The following AGR3 variants were observed in gnomAD, a reference collection of about 807,000 sequenced individuals.
The protein encoded by AGR3 is anterior gradient protein 3.
A neutral mutation model predicts 24.5 loss-of-function variants in AGR3; 37 were observed. The ratio of observed to expected loss-of-function variants is 1.51; its 90% CI spans 1.16 to 1.99. The LOEUF (loss-of-function observed/expected upper bound fraction) is 1.99, where lower values mean the gene tolerates loss of function less well. AGR3 is among the 30% of genes most tolerant of loss of function. AGR3 has a pLI of 0.00. For missense variants in AGR3, 228 were observed against 191.1 expected (o/e 1.19, Z -1.14); for synonymous variants, 75 against 61.6 (o/e 1.22, Z -1.02).
chr7:16,878,464 G>A (rs1297728251), intron 2 of AGR3, 46 bp downstream of exon 2: 6 of 1,527,166 alleles, frequency 3.9e-6, no homozygotes, highest in African/African-American at 1.4e-5. Flanking sequence ...ATTTTAAAAA[G>A]CAATCCAAAT....
chr7:16,862,643 T>G lies in AGR3; in HGVS notation c.193A>C (p.Ile65Leu). 2.6e-6 allele frequency: 4 copies of G among 1,547,548 alleles called. No homozygotes were observed. The highest frequency in any genetic ancestry group is 3.5e-6 in the Non-Finnish European group (4 of 1,154,122). ...TATTGACAATCCTCCAGGTGATGAA[T>G]AACCATTAATGGCTTCTTACTAAAC... ...AQKSKKPLMV[I>L]HHLEDCQYSQ... The change falls in exon 4 of 8, where the codon ATT (isoleucine) becomes CTT (leucine). Residue 65 changes from isoleucine to leucine, a missense_variant. Ile to Leu is a conservative substitution (Grantham distance 5). Transcript: ENST00000310398.
intron 3 of AGR3, among the ~76,000 whole-genome samples, chr7:16,872,040 A>G (rs2115310595): frequency 6.6e-6 from 1 of 151,764 alleles, no homozygotes; most frequent in South Asian, 2.1e-4. Context: ...AAGGCAATCT[A>G]CAGATTCAAT....
chr7:16,869,022 T>A (rs1781813853), intron 3 of AGR3, among the ~76,000 whole-genome samples: 2 of 152,228 alleles, frequency 1.3e-5, no homozygotes, highest in Admixed American at 1.3e-4. Flanking sequence ...CTTCTCTTGC[T>A]GTTTGATTAA....
downstream of AGR3, among the ~76,000 whole-genome samples, chr7:16,856,456 C>A (rs1781556470): frequency 6.6e-6 from 1 of 152,062 alleles, no homozygotes; most frequent in South Asian, 2.1e-4. Context: ...ACATAAATAA[C>A]CAATACATTT....
intron 3 of AGR3, among the ~76,000 whole-genome samples, chr7:16,869,376 T>C (rs1245800789): frequency 6.6e-6 from 1 of 152,184 alleles, no homozygotes; most frequent in Admixed American, 6.5e-5. Context: ...TTGTTTTGTT[T>C]CCATTTATAT....
intron 3 of AGR3, among the ~76,000 whole-genome samples, chr7:16,871,645 C>G (rs1448660655): frequency 6.6e-6 from 1 of 152,142 alleles, no homozygotes; most frequent in Non-Finnish European, 1.5e-5. Flanking sequence ...GAGTTCGAGA[C>G]CAGCCTGGCC....
At chr7:16,880,176 T>TC (rs1265296506) in intron 1 of AGR3, among the ~76,000 whole-genome samples, 1 of 140,414 alleles carries the variant, frequency 7.1e-6, no homozygotes, top group Non-Finnish European at 1.5e-5. Context: ...CTTTCTTTCT[T>TC]TTTTTTTTTT....
intron 3 of AGR3, among the ~76,000 whole-genome samples, chr7:16,871,886 T>A (rs1266788977): frequency 1.3e-5 from 2 of 151,906 alleles, no homozygotes; most frequent in East Asian, 3.9e-4. Flanking sequence ...CACCTAGGAA[T>A]ATATTAACCA....
At chr7:16,864,495 T>C in intron 3 of AGR3, 1 of 1,253,738 alleles carries the variant, frequency 8.0e-7, no homozygotes, top group Non-Finnish European at 1.2e-6. Context: ...TCATTCCATG[T>C]TCCCTGTCAG....
At position 16,861,964 on chromosome 7, in the gene AGR3, A is replaced by G. The variant is rs1414242451; in HGVS notation, c.303+20T>C. Reference sequence around the variant, plus strand: ...TCCATGAAATTATAGTATTAAGAAAACATCACAAAGTTTATGTACCATAAG... The same window carrying G: ...TCCATGAAATTATAGTATTAAGAAAGCATCACAAAGTTTATGTACCATAAG... On this transcript the variant is annotated intron_variant, in intron 5 of 7. Coordinates refer to ENST00000310398, the MANE Select transcript of AGR3 (RefSeq NM_176813.5). 6.3e-7 allele frequency: 1 copy of G among 1,574,952 alleles called. No homozygotes were observed.
intron 3 of AGR3, among the ~76,000 whole-genome samples, chr7:16,873,191 C>T (rs551194938): frequency 1.3e-5 from 2 of 152,162 alleles, no homozygotes; most frequent in African/African-American, 2.4e-5. Flanking sequence ...TAGAATCAAC[C>T]TAAATGTCCA....
rs1231215274 is a variant in AGR3, at chr7:16,873,535, C to T, written c.173+245G>A. On this transcript the variant is annotated intron_variant, in intron 3 of 7. Transcript: ENST00000310398. ...TAAGTTTGAGTAGTATTCTACAGCACTATAGGGTACATACAGTTAACAATA... is the reference window on the plus strand; with the variant it reads ...TAAGTTTGAGTAGTATTCTACAGCATTATAGGGTACATACAGTTAACAATA... The T allele has an allele frequency of 8.1e-5, 35 of 432,004 alleles. No individual in the cohort carries two copies. In the East Asian group the frequency reaches 1.4e-3, roughly 18 times the overall value. The allele number at this position is 432,004 out of a possible 1,614,324, so 26.8% of individuals were successfully genotyped here.
intron 3 of AGR3, chr7:16,865,184 A>G (rs1781731227): frequency 1.3e-6 from 1 of 745,986 alleles, no homozygotes; most frequent in Admixed American, 2.2e-5. Flanking sequence ...AAACCCTATC[A>G]GTTTTTTTTC....
Position 16,859,458 on chromosome 7 carries a change from T to TA in AGR3, c.*123dup, listed in dbSNP as rs1781598962. The TA allele has an allele frequency of 3.0e-6, 2 of 657,376 alleles. No individual in the cohort carries two copies. The highest frequency in any genetic ancestry group is 5.2e-6 in the Non-Finnish European group (2 of 387,106). The allele number at this position is 657,376 out of a possible 1,614,324, so 40.7% of individuals were successfully genotyped here. ...TTTAATAAGACTATTGCAAACACAT[T>TA]AAAAAAACTAAATAGTAATATTACA... On this transcript the variant is annotated 3_prime_UTR_variant, in exon 8 of 8. Coordinates refer to ENST00000310398, the MANE Select transcript of AGR3 (RefSeq NM_176813.5).
rs1481843667 is a variant in AGR3 at position 16,859,624 on chromosome 7, T to C, written c.459A>G (p.Glu153=). 1.3e-6 allele frequency: 2 copies of C among 1,523,448 alleles called. No individual in the cohort carries two copies. Among genetic ancestry groups the C allele is most frequent in the African/African-American group, 1.4e-5 (1 of 73,528 alleles). 94.4% of individuals were successfully genotyped at this position (1,523,448 alleles called of 1,614,324 possible). The change falls in exon 8 of 8, where the codon GAA becomes GAG. Residue 153 remains glutamate, a synonymous_variant. Transcript: ENST00000310398. The part of the protein sequence containing the change: ...YEPRDLPLLI[E]NMKKALRLIQ... ...TAAGTCTTAATGCTTTCTTCATGTT[T>C]TCTATCACTGAAATAAGAGTTAATA...
chr7:16,864,071 T>A (rs1206272425), intron 3 of AGR3, among the ~76,000 whole-genome samples: 1 of 152,206 alleles, frequency 6.6e-6, no homozygotes, highest in Admixed American at 6.5e-5. Context: ...ATTCAGAGAT[T>A]ACTTGAAAGC....
intron 2 of AGR3, among the ~76,000 whole-genome samples, chr7:16,874,442 A>AG (rs1483608182): frequency 1.3e-5 from 2 of 152,168 alleles, no homozygotes; most frequent in African/African-American, 4.8e-5. Flanking sequence ...CAATGAATAT[A>AG]GAGAGAACCC....
intron 3 of AGR3, among the ~76,000 whole-genome samples, chr7:16,868,203 T>G (rs1781797988): frequency 6.6e-6 from 1 of 152,064 alleles, no homozygotes; most frequent in African/African-American, 2.4e-5. Context: ...TTGCCCAGGC[T>G]GGAGTGCAAT....
At chr7:16,877,473 G>T (rs1280987706) in intron 2 of AGR3, among the ~76,000 whole-genome samples, 1 of 151,644 alleles carries the variant, frequency 6.6e-6, no homozygotes, top group Non-Finnish European at 1.5e-5. Context: ...AAATGGTCAA[G>T]TACTTTGTGG....
Sources: allele counts gnomAD v4.1 joint callset (sites outside exome capture counted in the v4.1 genomes callset), GRCh38; gene constraint gnomAD v4.1.1; transcripts MANE v1.5; gene names NCBI Gene and HGNC (gene_info 2026-07-23, HGNC 2026-07-21).